ELAVL2: variants seen among roughly 807,000 people sequenced by gnomAD.
The protein encoded by ELAVL2 is ELAV-like protein 2.
Under a neutral mutation model 34.6 loss-of-function variants are expected in ELAVL2, and 4 were observed. That is an observed-to-expected ratio of 0.12 (90% CI 0.06 to 0.26). The LOEUF (loss-of-function observed/expected upper bound fraction) is 0.26. ELAVL2 is among the 10% of genes least tolerant of loss of function. ELAVL2 has a pLI of 1.00. For missense variants in ELAVL2, 432 were observed against 442.8 expected (o/e 0.98, Z 0.22); for synonymous variants, 193 against 154.8 (o/e 1.25, Z -1.83).
chr9:23,781,789 G>GT (rs1031928909), intron 1 of ELAVL2, among the ~76,000 whole-genome samples: 7 of 152,022 alleles, frequency 4.6e-5, no homozygotes, highest in Non-Finnish European at 2.9e-5. Flanking sequence ...TGCCTCCCGG[G>GT]TTCACACCAT....
At chr9:23,722,191 A>C (rs549089577) in intron 3 of ELAVL2, among the ~76,000 whole-genome samples, 87 of 152,306 alleles carry the variant, frequency 5.7e-4, no homozygotes, top group African/African-American at 1.9e-3. Context: ...TTTTTTAAAG[A>C]GTCTACGCAA....
chr9:23,770,394 A>C (rs537250096), intron 1 of ELAVL2, among the ~76,000 whole-genome samples: 1 of 152,048 alleles, frequency 6.6e-6, no homozygotes, highest in Non-Finnish European at 1.5e-5. Flanking sequence ...TCTACATCCT[A>C]CTCCCAGAAG....
At chr9:23,703,331 A>G (rs2038127883) in intron 4 of ELAVL2, among the ~76,000 whole-genome samples, 1 of 152,362 alleles carries the variant, frequency 6.6e-6, no homozygotes, top group African/African-American at 2.4e-5. Flanking sequence ...GAACAAATTC[A>G]TCTTTATTTC....
chr9:23,796,168 G>A (rs931781387), intron 1 of ELAVL2, among the ~76,000 whole-genome samples: 1 of 152,166 alleles, frequency 6.6e-6, no homozygotes, highest in African/African-American at 2.4e-5. Context: ...TAAAACACTA[G>A]AGTTAGAAGG....
chr9:23,703,649 A>G (rs1472652398), intron 4 of ELAVL2, among the ~76,000 whole-genome samples: 1 of 152,322 alleles, frequency 6.6e-6, no homozygotes, highest in South Asian at 2.1e-4. Context: ...TCACTTGATG[A>G]ATGAAAAATC....
At chr9:23,799,507 T>G (rs2061342993) in intron 1 of ELAVL2, among the ~76,000 whole-genome samples, 1 of 152,252 alleles carries the variant, frequency 6.6e-6, no homozygotes, top group African/African-American at 2.4e-5. Flanking sequence ...AGCAGAGTTT[T>G]GAGGGCCTAC....
chr9:23,732,444 T>C (rs2046811242), intron 2 of ELAVL2, among the ~76,000 whole-genome samples: 2 of 152,212 alleles, frequency 1.3e-5, no homozygotes, highest in African/African-American at 4.8e-5. Flanking sequence ...GAGAAAGGAA[T>C]AGAGAGCTAA....
At chr9:23,811,189 T>C (rs549290242) in intron 1 of ELAVL2, among the ~76,000 whole-genome samples, 2 of 152,274 alleles carry the variant, frequency 1.3e-5, no homozygotes, top group East Asian at 3.9e-4. Context: ...AGCCAAACTG[T>C]TTGGGAAAAA....
At position 23,751,328 on chromosome 9, in the gene ELAVL2, T is replaced by C. The variant is rs531636379; in HGVS notation, c.229+10678A>G. Among the ~76,000 whole-genome samples, 245 of 152,210 alleles carry C rather than the reference T, an allele frequency of 1.6e-3. 2 individuals carry two copies. Among genetic ancestry groups the C allele is most frequent in the Admixed American group, 3.9e-3 (59 of 15,276 alleles). On this transcript the variant is annotated intron_variant, in intron 2 of 6. Transcript: ENST00000397312. ...CAAAAAAGGAAAACAAGATGTAAAATTGCATCTGCTAAGTTAACCATACCC... is the reference window on the plus strand; with the variant it reads ...CAAAAAAGGAAAACAAGATGTAAAACTGCATCTGCTAAGTTAACCATACCC...
intron 1 of ELAVL2, among the ~76,000 whole-genome samples, chr9:23,776,937 A>C (rs1290674057): frequency 6.6e-6 from 1 of 152,154 alleles, no homozygotes; most frequent in East Asian, 1.9e-4. Flanking sequence ...TGCCTCACTA[A>C]GAAAATTTTA....
intron 2 of ELAVL2, among the ~76,000 whole-genome samples, chr9:23,749,515 C>T (rs1450107817): frequency 1.4e-5 from 2 of 145,744 alleles, no homozygotes; most frequent in African/African-American, 2.6e-5. Flanking sequence ...GAGACACTTC[C>T]CACCTTCGTA....
chr9:23,719,501 AATT>A (rs2043128254), intron 3 of ELAVL2, among the ~76,000 whole-genome samples: 1 of 152,202 alleles, frequency 6.6e-6, no homozygotes, highest in Admixed American at 6.5e-5. Context: ...GTTTCTTATT[AATT>A]CATTTTTGCA....
chr9:23,715,186 A>T (rs1407158720), intron 3 of ELAVL2, among the ~76,000 whole-genome samples: 1 of 152,124 alleles, frequency 6.6e-6, no homozygotes, highest in Non-Finnish European at 1.5e-5. Context: ...TTTGAGGCAG[A>T]GTCTCACTCT....
intron 1 of ELAVL2, among the ~76,000 whole-genome samples, chr9:23,794,711 T>A (rs1007703268): frequency 6.6e-6 from 1 of 152,078 alleles, no homozygotes; most frequent in African/African-American, 2.4e-5. Context: ...CATGAAAAAA[T>A]TTGTGTGGGG....
the ELAVL2 span, among the ~76,000 whole-genome samples, chr9:23,843,571 T>C: frequency 1.3e-5 from 2 of 152,100 alleles, no homozygotes; most frequent in Non-Finnish European, 2.9e-5. Context: ...GAAAGTGAAA[T>C]TGCTTAAATT....
intron 5 of ELAVL2, among the ~76,000 whole-genome samples, chr9:23,699,793 G>GA (rs1197491667): frequency 7.2e-6 from 1 of 139,006 alleles, no homozygotes; most frequent in African/African-American, 2.7e-5. Context: ...ACTACCATGG[G>GA]AAGTCAAAGG....
At chr9:23,786,178 T>C (rs1275271233) in intron 1 of ELAVL2, among the ~76,000 whole-genome samples, 1 of 152,212 alleles carries the variant, frequency 6.6e-6, no homozygotes, top group South Asian at 2.1e-4. Flanking sequence ...CCACATCGTG[T>C]GCACTATTTT....
intron 1 of ELAVL2, among the ~76,000 whole-genome samples, chr9:23,792,819 GGA>G (rs1288240873): frequency 6.6e-6 from 1 of 151,802 alleles, no homozygotes; most frequent in African/African-American, 2.4e-5. Flanking sequence ...CGCCCAGGAT[GGA>G]GTACAGCGGT....
At chr9:23,765,000 C>A in intron 1 of ELAVL2, 1 of 1,608,672 alleles carries the variant, frequency 6.2e-7, no homozygotes. Flanking sequence ...TAAGAAAAAT[C>A]CCACAGACCC....
Sources: gnomAD v4.1 joint callset for allele counts (sites outside exome capture counted in the v4.1 genomes callset) on GRCh38, gnomAD v4.1.1 for gene constraint, MANE v1.5 for transcripts, NCBI Gene and HGNC (gene_info 2026-07-23, HGNC 2026-07-21) for gene names.